Variants in LMOD1 observed in about 807,000 individuals in gnomAD.
The protein encoded by LMOD1 is leiomodin 1, also known as leiomodin-1.
A neutral mutation model predicts 36.5 loss-of-function variants in LMOD1; 8 were observed. The ratio of observed to expected loss-of-function variants is 0.22; its 90% CI spans 0.13 to 0.40. The LOEUF (loss-of-function observed/expected upper bound fraction) is 0.40, where lower values mean the gene tolerates loss of function less well. Among genes scored for constraint, LMOD1 ranks in the 10% least tolerant of loss-of-function variants. LMOD1 has a pLI of 1.00. For missense variants in LMOD1, 630 were observed against 751.1 expected, an observed-to-expected ratio of 0.84 and a Z score of 1.88; for synonymous variants, 284 against 288.7, an observed-to-expected ratio of 0.98 and a Z score of 0.17.
At chr1:201,923,908 G>GGAGAGAGA (rs557889560) in intron 1 of LMOD1, among the ~76,000 whole-genome samples, 3 of 124,336 alleles carry the variant, frequency 2.4e-5, no homozygotes, top group African/African-American at 6.1e-5. Context: ...AGAGAGGGAG[G>GGAGAGAGA]GAGAGAGAGA....
At chr1:201,922,483 A>G (rs1402341990) in intron 1 of LMOD1, among the ~76,000 whole-genome samples, 1 of 152,180 alleles carries the variant, frequency 6.6e-6, no homozygotes, top group East Asian at 1.9e-4. Context: ...GATCTGAAAG[A>G]CCACATATTT....
At chr1:201,932,596 A>T (rs957567839) in intron 1 of LMOD1, among the ~76,000 whole-genome samples, 12 of 152,070 alleles carry the variant, frequency 7.9e-5, no homozygotes, top group Admixed American at 3.3e-4. Flanking sequence ...TACTCAAAAT[A>T]AAAAAATTAG....
chr1:201,943,019 T>A (rs1326704276), intron 1 of LMOD1, among the ~76,000 whole-genome samples: 1 of 152,202 alleles, frequency 6.6e-6, no homozygotes, highest in Non-Finnish European at 1.5e-5. Context: ...CCACACTTAG[T>A]TTTTCTAGTT....
chr1:201,925,797 C>A (rs1681818401), intron 1 of LMOD1, among the ~76,000 whole-genome samples: 1 of 151,928 alleles, frequency 6.6e-6, no homozygotes, highest in South Asian at 2.1e-4. Flanking sequence ...CTCAACCTCC[C>A]AGGCTCAAGT....
intron 1 of LMOD1, among the ~76,000 whole-genome samples, chr1:201,943,137 A>G (rs1465230584): frequency 6.6e-6 from 1 of 152,162 alleles, no homozygotes; most frequent in Non-Finnish European, 1.5e-5. Context: ...TGATGGTTCT[A>G]TCCATGTGTG....
Position 201,938,105 on chromosome 1 carries a change from A to G in LMOD1, c.261+7975T>C, listed in dbSNP as rs181196746. ...ATTATTTTGCTGAAACCTCATAACT[A>G]TCCTATGACTAAGCATTGTAATTTC... On this transcript the variant is annotated intron_variant, in intron 1 of 2. Coordinates refer to ENST00000367288, the MANE Select transcript of LMOD1 (RefSeq NM_012134.3). Among the ~76,000 whole-genome samples, 290 of 149,308 alleles carry G rather than the reference A, an allele frequency of 1.9e-3. 3 individuals carry two copies. Among genetic ancestry groups the G allele is most frequent in the African/African-American group, 6.8e-3 (278 of 40,646 alleles).
intron 1 of LMOD1, among the ~76,000 whole-genome samples, chr1:201,929,163 C>T (rs757460394): frequency 2.6e-5 from 4 of 151,790 alleles, no homozygotes; most frequent in East Asian, 1.9e-4. Context: ...AGTGCAGTGG[C>T]GTGATCTTGG....
chr1:201,936,460 C>T (rs1303618971), intron 1 of LMOD1, among the ~76,000 whole-genome samples: 4 of 152,172 alleles, frequency 2.6e-5, no homozygotes, highest in Admixed American at 6.5e-5. Context: ...ACCCTGCTTA[C>T]TTCCAAGGCC....
chr1:201,910,843 C>T (rs1185948892), intron 1 of LMOD1, among the ~76,000 whole-genome samples: 1 of 141,372 alleles, frequency 7.1e-6, no homozygotes, highest in Non-Finnish European at 1.5e-5. Flanking sequence ...TAACCTCTGC[C>T]TCCTGGGTTC....
intron 1 of LMOD1, among the ~76,000 whole-genome samples, chr1:201,902,750 CT>C (rs1439231005): frequency 6.6e-6 from 1 of 152,044 alleles, no homozygotes; most frequent in Non-Finnish European, 1.5e-5. Flanking sequence ...AGGCTGGGGG[CT>C]TGAGTTTTAT....
chr1:201,901,619 T>G (rs1681320270), intron 1 of LMOD1, among the ~76,000 whole-genome samples: 1 of 30,416 alleles, frequency 3.3e-5, no homozygotes, highest in African/African-American at 1.4e-4. Flanking sequence ...TACACATATA[T>G]ATGTGTGTGT....
At chr1:201,927,870 G>A (rs1396784193) in intron 1 of LMOD1, among the ~76,000 whole-genome samples, 2 of 152,172 alleles carry the variant, frequency 1.3e-5, no homozygotes, top group Non-Finnish European at 2.9e-5. Context: ...CTTTGGGAGT[G>A]CTGTGTTTGG....
chr1:201,913,013 G>A (rs1196677988), intron 1 of LMOD1, among the ~76,000 whole-genome samples: 4 of 152,146 alleles, frequency 2.6e-5, no homozygotes, highest in Non-Finnish European at 5.9e-5. Flanking sequence ...AGGCAGCGAG[G>A]CAAGGCAGGC....
intron 1 of LMOD1, among the ~76,000 whole-genome samples, chr1:201,940,749 T>C (rs1339244025): frequency 3.0e-5 from 1 of 33,196 alleles, no homozygotes; most frequent in Non-Finnish European, 9.2e-5. Flanking sequence ...ACGCCCAGCA[T>C]TTTTTTTTTT....
chr1:201,920,303 G>T (rs72744822), intron 1 of LMOD1, among the ~76,000 whole-genome samples: 35 of 151,592 alleles, frequency 2.3e-4, no homozygotes, highest in Non-Finnish European at 4.0e-4. Context: ...CAGACGATCC[G>T]CCCGCCTCAG....
chr1:201,922,361 A>T (rs1416823870), intron 1 of LMOD1, among the ~76,000 whole-genome samples: 1 of 152,216 alleles, frequency 6.6e-6, no homozygotes, highest in African/African-American at 2.4e-5. Flanking sequence ...CTGAAGAATG[A>T]CTCAGCAAAA....
chr1:201,938,280 C>T (rs974726342), intron 1 of LMOD1, among the ~76,000 whole-genome samples: 2 of 152,098 alleles, frequency 1.3e-5, no homozygotes, highest in East Asian at 3.9e-4. Flanking sequence ...CAGGCACGTG[C>T]CACCACGCCC....
At chr1:201,925,356 C>T (rs891193696) in intron 1 of LMOD1, among the ~76,000 whole-genome samples, 7 of 152,164 alleles carry the variant, frequency 4.6e-5, no homozygotes, top group East Asian at 1.9e-4. Context: ...AAAGAGATAA[C>T]GTATGTGGAA....
In LMOD1 at chr1:201,898,022, G is replaced by A. The variant is rs901279592; in HGVS notation, c.*350C>T. 2.9e-5 allele frequency: 8 copies of A among 273,990 alleles called. No individual in the cohort carries two copies. Among genetic ancestry groups the A allele is most frequent in the African/African-American group, 1.8e-4 (8 of 45,020 alleles). 17.0% of individuals were successfully genotyped at this position (273,990 alleles called of 1,614,324 possible). ...AGGGCAGTGGGGCTGGGGTGGATGTGGTCCCTGTGGGACATCTTTCCTGGA... is the reference window on the plus strand; with the variant it reads ...AGGGCAGTGGGGCTGGGGTGGATGTAGTCCCTGTGGGACATCTTTCCTGGA... On this transcript the variant is annotated 3_prime_UTR_variant, in exon 3 of 3. Transcript: ENST00000367288.
Sources: gnomAD v4.1 joint callset for allele counts (sites outside exome capture counted in the v4.1 genomes callset) on GRCh38, gnomAD v4.1.1 for gene constraint, MANE v1.5 for transcripts, NCBI Gene and HGNC (gene_info 2026-07-23, HGNC 2026-07-21) for gene names.